UTRN: variants seen among roughly 807,000 people sequenced by gnomAD.
UTRN encodes the protein utrophin.
A neutral mutation model predicts 463.9 loss-of-function variants in UTRN; 283 were observed. The ratio of observed to expected loss-of-function variants is 0.61; its 90% CI spans 0.55 to 0.67. The LOEUF is 0.67. Ranked by LOEUF, UTRN falls within the 30% of genes least tolerant of loss-of-function variation. UTRN has a pLI of 0.00. For missense variants in UTRN, 3,922 were observed against 4,084.3 expected (o/e 0.96, Z 1.08); for synonymous variants, 1,442 against 1,431.5 (o/e 1.01, Z -0.17).
intron 10 of UTRN, 108 bp downstream of exon 10, chr6:144,436,246 G>T: frequency 8.6e-7 from 1 of 1,167,130 alleles, no homozygotes; most frequent in East Asian, 2.4e-5. Context: ...TCTTTGGAAA[G>T]GTCAATGGTT....
chr6:144,499,206 A>G (rs753206412), intron 33 of UTRN, 51 bp from the exon 34 acceptor site: 11 of 1,554,194 alleles, frequency 7.1e-6, no homozygotes, highest in Non-Finnish European at 5.3e-6. Flanking sequence ...ATTCTCATTT[A>G]TGTTCATTCC....
chr6:144,843,812 G>A (rs1781796687), intron 73 of UTRN, among the ~76,000 whole-genome samples: 1 of 152,140 alleles, frequency 6.6e-6, no homozygotes, highest in South Asian at 2.1e-4. Context: ...ATGTTTGTAT[G>A]TAAAATACCC....
At chr6:144,405,523 T>A (rs1783317110) in intron 3 of UTRN, among the ~76,000 whole-genome samples, 1 of 152,188 alleles carries the variant, frequency 6.6e-6, no homozygotes, top group Non-Finnish European at 1.5e-5. Context: ...AACGAATTTT[T>A]TTTTTCATTT....
intron 51 of UTRN, among the ~76,000 whole-genome samples, chr6:144,647,990 T>C (rs896674100): frequency 6.6e-6 from 1 of 152,246 alleles, no homozygotes; most frequent in Non-Finnish European, 1.5e-5. Flanking sequence ...TGGTAAACAC[T>C]ATGCTATTTA....
intron 12 of UTRN, 24 bp from the exon 13 acceptor site, chr6:144,440,328 G>T (rs1787025835): frequency 3.7e-6 from 6 of 1,613,512 alleles, no homozygotes; most frequent in Non-Finnish European, 5.1e-6. Context: ...AGAAATAATG[G>T]TTTATCTTAA....
chr6:144,822,539 C>T (rs776157613), intron 66 of UTRN, among the ~76,000 whole-genome samples: 29 of 152,044 alleles, frequency 1.9e-4, no homozygotes, highest in Non-Finnish European at 3.2e-4. Context: ...CTGTGTCTTT[C>T]TAAACATTCT....
chr6:144,516,806 T>C lies in UTRN; in HGVS notation c.5404-5T>C. 2 of 1,447,596 alleles carry C rather than the reference T, an allele frequency of 1.4e-6. No individual in the cohort carries two copies. Among genetic ancestry groups the C allele is most frequent in the East Asian group, 2.6e-5 (1 of 38,596 alleles). The allele number at this position is 1,447,596 out of a possible 1,614,324, so 89.7% of individuals were successfully genotyped here. On this transcript the variant is annotated splice_polypyrimidine_tract_variant and splice_region_variant and intron_variant, in intron 38 of 74. Transcript: ENST00000367545. The stretch of plus-strand genomic sequence containing the variant: ...GTCATTTTTTTTTTCCTTTTAAAAA[T>C]TTAGATGGATGAGGAGAGTGCCCAG...
In UTRN at chr6:144,523,091, G is replaced by A. The variant is rs777731678; in HGVS notation, c.5809G>A (p.Glu1937Lys). 1.9e-6 allele frequency: 3 copies of A among 1,613,414 alleles called. No individual in the cohort carries two copies. Among genetic ancestry groups the A allele is most frequent in the Admixed American group, 3.3e-5 (2 of 59,912 alleles). ...TGAAAAACAGCCAGATGTCATCCTT[G>A]AAGCCTCTGGACCTGAAGCCATTCA... ...IHEKQPDVIL[E>K]ASGPEAIQIR... Residue 1937 changes from glutamate to lysine, a missense_variant, in exon 41 of 75, where the codon GAA becomes AAA. This residue lies in a region of UTRN where 2,349 missense variants were observed against 2,303.8 expected (regional missense o/e 1.02). Coordinates refer to ENST00000367545, the MANE Select transcript of UTRN (RefSeq NM_007124.3).
chr6:144,381,532 C>G (rs531464158), intron 2 of UTRN, among the ~76,000 whole-genome samples: 51 of 152,294 alleles, frequency 3.3e-4, no homozygotes, highest in Non-Finnish European at 5.0e-4. Flanking sequence ...TTGTCTGTGT[C>G]TCCACCCAAA....
At chr6:144,521,951 A>AT (rs201203073) in intron 39 of UTRN, 29 bp from the exon 40 acceptor site, 19,680 of 1,202,564 alleles carry the variant, frequency 0.016, 421 homozygotes, top group African/African-American at 0.13. Context: ...ATATATATAT[A>AT]TATATTTTTT....
chr6:144,483,339 G>C (rs1361151596), intron 27 of UTRN, among the ~76,000 whole-genome samples: 1 of 152,176 alleles, frequency 6.6e-6, no homozygotes, highest in Admixed American at 6.5e-5. Flanking sequence ...GGTTGTGCTT[G>C]CATCTGAGCA....
At chr6:144,650,498 A>G (rs1778696932) in intron 51 of UTRN, among the ~76,000 whole-genome samples, 1 of 152,224 alleles carries the variant, frequency 6.6e-6, no homozygotes, top group African/African-American at 2.4e-5. Context: ...TGTCTACTAT[A>G]TGGTAGAGAC....
chr6:144,668,143 T>C (rs1286346082), intron 51 of UTRN, among the ~76,000 whole-genome samples: 1 of 152,220 alleles, frequency 6.6e-6, no homozygotes, highest in Non-Finnish European at 1.5e-5. Flanking sequence ...AGTGTCATGT[T>C]AGACATCTCA....
In UTRN at chr6:144,755,057, CAT is replaced by C. The variant is rs535009356; in HGVS notation, c.8434+261_8434+262del. ...TCTCATTGGAATGTCTGATAACTAA[CAT>C]AGTATCATATCATCATTGCTTTGTC... On this transcript the variant is annotated intron_variant, in intron 57 of 74. Transcript: ENST00000367545. 3.9e-4 allele frequency among the ~76,000 whole-genome samples: 60 copies of C among 152,194 alleles called. No individual in the cohort carries two copies. In the Middle Eastern group the frequency reaches 0.01, roughly 26 times the overall value.
intron 29 of UTRN, among the ~76,000 whole-genome samples, chr6:144,487,955 G>T (rs982912656): frequency 6.6e-6 from 1 of 152,058 alleles, no homozygotes; most frequent in Admixed American, 6.6e-5. Context: ...TTTCATTAAG[G>T]ATCATATGAT....
chr6:144,473,063 G>T (rs544345702), intron 23 of UTRN, among the ~76,000 whole-genome samples: 1 of 152,166 alleles, frequency 6.6e-6, no homozygotes, highest in East Asian at 1.9e-4. Context: ...ACCGTACCTG[G>T]CCCTTATTTG....
intron 51 of UTRN, among the ~76,000 whole-genome samples, chr6:144,595,962 C>T (rs1419607567): frequency 5.3e-5 from 8 of 152,136 alleles, no homozygotes; most frequent in Middle Eastern, 3.4e-3. Flanking sequence ...GATCCTTATA[C>T]GGTGTGGTGG....
chr6:144,689,277 T>G (rs1783075670), intron 52 of UTRN, among the ~76,000 whole-genome samples: 2 of 152,106 alleles, frequency 1.3e-5, no homozygotes, highest in African/African-American at 4.8e-5. Flanking sequence ...GTGTCTGCAA[T>G]GGTGGGTGAA....
At chr6:144,795,973 A>T (rs932180860) in intron 63 of UTRN, among the ~76,000 whole-genome samples, 1 of 152,088 alleles carries the variant, frequency 6.6e-6, no homozygotes, top group Non-Finnish European at 1.5e-5. Flanking sequence ...TGTTTTAGTC[A>T]TGAAGTCTTT....
Sources: allele counts gnomAD v4.1 joint callset (sites outside exome capture counted in the v4.1 genomes callset), GRCh38; gene constraint gnomAD v4.1.1; regional missense constraint gnomAD v4.1.1; transcripts MANE v1.5; gene names NCBI Gene and HGNC (gene_info 2026-07-23, HGNC 2026-07-21).